Variants in RADIL observed in about 807,000 individuals in gnomAD.
RADIL encodes the protein Rap associating with DIL domain, also known as ras-associating and dilute domain-containing protein.
In RADIL, 99 loss-of-function variants were observed where a neutral mutation model predicts 97.6. The ratio of observed to expected loss-of-function variants is 1.01; its 90% CI spans 0.86 to 1.20. The LOEUF is 1.20. Among genes scored for constraint, RADIL ranks in the 50% most tolerant of loss-of-function variants. The pLI, the probability that RADIL is intolerant of heterozygous loss-of-function variation, is 0.00. For missense variants in RADIL, 1,765 were observed against 1,498.9 expected (o/e 1.18, Z -2.93); for synonymous variants, 803 against 691.8 (o/e 1.16, Z -2.52).
chr7:4,868,187 C>G (rs559973738), intron 2 of RADIL, among the ~76,000 whole-genome samples: 1 of 152,034 alleles, frequency 6.6e-6, no homozygotes, highest in Non-Finnish European at 1.5e-5. Flanking sequence ...CTCAGCCTCC[C>G]GAGTAGCTGG....
intron 1 of RADIL, among the ~76,000 whole-genome samples, chr7:4,881,559 T>G (rs535203124): frequency 2.1e-3 from 317 of 150,942 alleles, no homozygotes; most frequent in South Asian, 5.2e-3. Context: ...AAACCCTGTC[T>G]CCACTAAAAA....
At chr7:4,846,249 C>T (rs1783569679) in intron 2 of RADIL, among the ~76,000 whole-genome samples, 1 of 151,618 alleles carries the variant, frequency 6.6e-6, no homozygotes, top group African/African-American at 2.4e-5. Flanking sequence ...CTGGTTCAAG[C>T]GATTCTCCTG....
At chr7:4,832,621 C>A (rs1419467703) in intron 4 of RADIL, among the ~76,000 whole-genome samples, 1 of 151,882 alleles carries the variant, frequency 6.6e-6, no homozygotes, top group Non-Finnish European at 1.5e-5. Flanking sequence ...TGCCTATAAT[C>A]CCAGCTATTT....
intron 2 of RADIL, chr7:4,860,507 C>T (rs779700468): frequency 3.1e-6 from 5 of 1,614,066 alleles, no homozygotes; most frequent in South Asian, 1.1e-5. Flanking sequence ...CCACATTGTA[C>T]GAAATTCTTC....
At position 4,824,537 on chromosome 7, in the gene RADIL, C is replaced by A. The variant is rs1424364803; in HGVS notation, c.1455-1983G>T. On this transcript the variant is annotated intron_variant, in intron 5 of 14. Coordinates refer to ENST00000399583, the MANE Select transcript of RADIL (RefSeq NM_018059.5). The surrounding 1 kb of genome is among the most constrained non-coding windows in gnomAD (Gnocchi z 6.7). ...GGAACCCCAGGCTGCGTCCCAGATT[C>A]TCCCCGGTACCCAAAGTGTTGCCTG... 6.6e-6 allele frequency among the ~76,000 whole-genome samples: 1 copy of A among 152,144 alleles called. No individual in the cohort carries two copies. Among genetic ancestry groups the A allele is most frequent in the Non-Finnish European group, 1.5e-5 (1 of 68,050 alleles).
At chr7:4,868,737 A>G (rs1279499353) in intron 2 of RADIL, among the ~76,000 whole-genome samples, 2 of 152,210 alleles carry the variant, frequency 1.3e-5, no homozygotes, top group African/African-American at 4.8e-5. Flanking sequence ...TCTTTTATCT[A>G]TACAGTGTCC....
intron 12 of RADIL, among the ~76,000 whole-genome samples, chr7:4,800,686 G>T (rs939544404): frequency 3.3e-5 from 5 of 152,276 alleles, no homozygotes; most frequent in Admixed American, 6.5e-5. Context: ...CACCCTGAGG[G>T]TTCCCACCGC....
rs377167416 is a variant in RADIL, at chr7:4,878,031, G to A, written c.109C>T (p.Arg37Trp). The change falls in exon 2 of 15, where the codon CGG (arginine) becomes TGG (tryptophan). Residue 37 changes from arginine (R) to tryptophan (W), a missense_variant. By Grantham distance (101) the Arg-to-Trp change is moderately radical. Coordinates refer to ENST00000399583, the MANE Select transcript of RADIL (RefSeq NM_018059.5). The surrounding 1 kb of genome is among the most constrained non-coding windows in gnomAD (Gnocchi z 4.1). ...MLSRTLSYKY[R>W]DLDSTFSSLG... ...CTGGAGAAGGTGGAGTCCAGGTCCCGGTACTTGTAGCTCAGCGTCCGGGAC... is the reference window on the plus strand; with the variant it reads ...CTGGAGAAGGTGGAGTCCAGGTCCCAGTACTTGTAGCTCAGCGTCCGGGAC... 54 of 1,608,872 alleles carry A rather than the reference G, an allele frequency of 3.4e-5. No individual in the cohort carries two copies. Among genetic ancestry groups the A allele is most frequent in the East Asian group, 4.5e-5 (2 of 44,712 alleles).
At position 4,824,899 on chromosome 7, in the gene RADIL, G is replaced by A. The variant is rs559641028; in HGVS notation, c.1455-2345C>T. Reference sequence around the variant, plus strand: ...TTCACCGGAACCCGGAGGGTAGACAGGCCTGTCCCAGGAAACAAGTGACCA... The same window carrying A: ...TTCACCGGAACCCGGAGGGTAGACAAGCCTGTCCCAGGAAACAAGTGACCA... On this transcript the variant is annotated intron_variant, in intron 5 of 14. Transcript: ENST00000399583. The surrounding 1 kb of genome is among the most constrained non-coding windows in gnomAD (Gnocchi z 6.7). Among the ~76,000 whole-genome samples, 1 of 152,322 alleles carries A rather than the reference G, an allele frequency of 6.6e-6. No homozygotes were observed. The highest frequency in any genetic ancestry group is 1.5e-5 in the Non-Finnish European group (1 of 68,032).
At chr7:4,865,364 T>A (rs1290261725) in intron 2 of RADIL, 6 of 589,050 alleles carry the variant, frequency 1.0e-5, no homozygotes, top group Non-Finnish European at 1.8e-5. Flanking sequence ...TCTGTGTGGT[T>A]TTTTTTTGTT....
In RADIL at chr7:4,814,203, T is replaced by C. The variant is rs533737512; in HGVS notation, c.2139+1075A>G. On this transcript the variant is annotated intron_variant, in intron 9 of 14. Coordinates refer to ENST00000399583, the MANE Select transcript of RADIL (RefSeq NM_018059.5). The surrounding 1 kb of genome is among the most constrained non-coding windows in gnomAD (Gnocchi z 4.5). ...GTTTGTGGCATTAAAAAGCATTGCTTTACTTCTGTTTAGTGATACTGTAGG... is the reference window on the plus strand; with the variant it reads ...GTTTGTGGCATTAAAAAGCATTGCTCTACTTCTGTTTAGTGATACTGTAGG... Among the ~76,000 whole-genome samples, 38 of 152,354 alleles carry C rather than the reference T, an allele frequency of 2.5e-4. No individual in the cohort carries two copies. Among genetic ancestry groups the C allele is most frequent in the African/African-American group, 8.2e-4 (34 of 41,582 alleles).
Position 4,877,782 on chromosome 7 carries a change from C to T in RADIL, c.358G>A (p.Gly120Ser), listed in dbSNP as rs776559353. The change falls in exon 2 of 15, where the codon GGC (glycine) becomes AGC (serine). Residue 120 changes from glycine (G) to serine (S), a missense_variant. Gly to Ser is a moderately conservative substitution (Grantham distance 56). Coordinates refer to ENST00000399583, the MANE Select transcript of RADIL (RefSeq NM_018059.5). ...YVLCDVVGQA[G>S]DAGQRWQARC... ...GCCTGCCACCGCTGCCCAGCATCGC[C>T]GGCTTGGCCCACCACGTCACACAGC... The T allele has an allele frequency of 3.1e-6, 5 of 1,612,298 alleles. No individual in the cohort carries two copies. Among genetic ancestry groups the T allele is most frequent in the East Asian group, 2.2e-5 (1 of 44,882 alleles).
At position 4,872,734 on chromosome 7, in the gene RADIL, A is replaced by C. The variant is rs1477302637; in HGVS notation, c.535+4871T>G. On this transcript the variant is annotated intron_variant, in intron 2 of 14. Coordinates refer to ENST00000399583, the MANE Select transcript of RADIL (RefSeq NM_018059.5). This position sits in a 1 kb window ranked among gnomAD's most constrained non-coding sequence, Gnocchi z 5.8. ...AAGGAGACATTTATGGAAAACAAAA[A>C]CCCAAAGTGCCTGCGTGCATTTCTA... is the stretch of plus-strand genomic sequence containing the variant. Among the ~76,000 whole-genome samples, 1 of 151,522 alleles carries C rather than the reference A, an allele frequency of 6.6e-6. No homozygotes were observed. Among genetic ancestry groups the C allele is most frequent in the Non-Finnish European group, 1.5e-5 (1 of 67,856 alleles).
chr7:4,838,016 GC>G, intron 2 of RADIL: 1 of 985,382 alleles, frequency 1.0e-6, no homozygotes, highest in Non-Finnish European at 1.2e-6. Flanking sequence ...AGCGCCAGCA[GC>G]CCCGCCGTCC....
chr7:4,841,416 G>A (rs535699751), intron 2 of RADIL, among the ~76,000 whole-genome samples: 205 of 152,334 alleles, frequency 1.3e-3, no homozygotes, highest in African/African-American at 4.6e-3. Context: ...CCAAAGCCCT[G>A]TCCACAGCGG....
At chr7:4,821,000 G>A (rs1782816650) in intron 6 of RADIL, among the ~76,000 whole-genome samples, 4 of 152,194 alleles carry the variant, frequency 2.6e-5, no homozygotes, top group Non-Finnish European at 4.4e-5. Context: ...TGTCCTCCGG[G>A]CTGTCTCAGA....
intron 9 of RADIL, among the ~76,000 whole-genome samples, chr7:4,810,658 G>T (rs1782516198): frequency 6.6e-6 from 1 of 152,232 alleles, no homozygotes; most frequent in Non-Finnish European, 1.5e-5. Flanking sequence ...TCTCCGTCGG[G>T]GAAATTGCTC....
intron 4 of RADIL, among the ~76,000 whole-genome samples, chr7:4,832,874 G>A (rs543836723): frequency 2.4e-4 from 36 of 152,252 alleles, no homozygotes; most frequent in South Asian, 6.2e-4. Flanking sequence ...ACGGGGCAGC[G>A]GCGACACAGT....
At chr7:4,828,898 G>A (rs547786485) in intron 5 of RADIL, among the ~76,000 whole-genome samples, 6 of 151,854 alleles carry the variant, frequency 4.0e-5, no homozygotes, top group East Asian at 1.9e-4. Context: ...CCAGAGCTGC[G>A]CTTCAGCTTC....
Sources: allele counts gnomAD v4.1 joint callset (sites outside exome capture counted in the v4.1 genomes callset), GRCh38; gene constraint gnomAD v4.1.1; non-coding constraint Gnocchi (gnomAD v3.1); transcripts MANE v1.5; gene names NCBI Gene and HGNC (gene_info 2026-07-23, HGNC 2026-07-21).